The following HIVEP1 variants were observed in gnomAD, a reference collection of about 807,000 sequenced individuals.
HIVEP1 encodes the protein zinc finger protein 40.
HIVEP1 carries 36 observed loss-of-function variants against 180.0 expected under a neutral mutation model. That is an observed-to-expected ratio of 0.20 (90% CI 0.15 to 0.26). HIVEP1 has a LOEUF of 0.26. HIVEP1 is among the 10% of genes least tolerant of loss of function. The probability of loss-of-function intolerance (pLI) is 1.00; values close to 1 mark genes in which losing one functional copy is unlikely to be tolerated. For missense variants in HIVEP1, 3,143 were observed against 3,268.7 expected (o/e 0.96, Z 0.94); for synonymous variants, 1,239 against 1,239.0 (o/e 1.00, Z 0.00).
the HIVEP1 span, among the ~76,000 whole-genome samples, chr6:12,207,556 C>T: frequency 6.6e-6 from 1 of 152,062 alleles, no homozygotes; most frequent in Non-Finnish European, 1.5e-5. Context: ...GTGAAACAGC[C>T]TCAGAAGCCA....
intron 3 of HIVEP1, among the ~76,000 whole-genome samples, chr6:12,110,355 T>C (rs1376840804): frequency 6.6e-6 from 1 of 152,272 alleles, no homozygotes; most frequent in Non-Finnish European, 1.5e-5. Context: ...GATGGCATCT[T>C]CTTCCAATAG....
chr6:12,048,826 T>A (rs1570988), intron 2 of HIVEP1, among the ~76,000 whole-genome samples: 4 of 152,078 alleles, frequency 2.6e-5, no homozygotes, highest in African/African-American at 9.6e-5. Flanking sequence ...TTCTTTCTGC[T>A]TGGGGACAGT....
chr6:12,192,888 C>T, the HIVEP1 span, among the ~76,000 whole-genome samples: 2,862 of 150,824 alleles, frequency 0.019, 95 homozygotes, highest in African/African-American at 0.066. Context: ...TTTTGTAAAA[C>T]ATTTAAAAAA....
intron 3 of HIVEP1, among the ~76,000 whole-genome samples, chr6:12,099,688 TTAC>T: frequency 6.6e-6 from 1 of 152,248 alleles, no homozygotes; most frequent in East Asian, 1.9e-4. Flanking sequence ...AGCACAGCAC[TTAC>T]TACAGTTCTT....
At chr6:12,131,872 T>C (rs1335071121) in intron 6 of HIVEP1, among the ~76,000 whole-genome samples, 2 of 151,860 alleles carry the variant, frequency 1.3e-5, no homozygotes, top group Non-Finnish European at 1.5e-5. Flanking sequence ...TTTCTTATGC[T>C]GGTTGTCTTT....
At chr6:12,196,606 A>G in the HIVEP1 span, among the ~76,000 whole-genome samples, 1 of 152,218 alleles carries the variant, frequency 6.6e-6, no homozygotes, top group Non-Finnish European at 1.5e-5. Flanking sequence ...AGTTGTTGAC[A>G]TAACTTCCTG....
intron 2 of HIVEP1, among the ~76,000 whole-genome samples, chr6:12,087,906 G>A (rs916185239): frequency 6.6e-6 from 1 of 152,116 alleles, no homozygotes; most frequent in Non-Finnish European, 1.5e-5. Flanking sequence ...TGCTGTGGGC[G>A]ATACATTTAT....
chr6:12,191,717 G>A, the HIVEP1 span, among the ~76,000 whole-genome samples: 15 of 152,180 alleles, frequency 9.9e-5, no homozygotes, highest in South Asian at 2.1e-3. Flanking sequence ...TCCAATACAC[G>A]GTGTAGTTAC....
chr6:12,017,522 G>A (rs931361296), intron 2 of HIVEP1, among the ~76,000 whole-genome samples: 1 of 151,906 alleles, frequency 6.6e-6, no homozygotes, highest in Non-Finnish European at 1.5e-5. Flanking sequence ...TCTGCAAGGG[G>A]ACCCAAGCAG....
the HIVEP1 span, among the ~76,000 whole-genome samples, chr6:12,183,446 C>T: frequency 1.3e-5 from 2 of 152,302 alleles, no homozygotes; most frequent in East Asian, 1.9e-4. Context: ...TCTGGGGTGC[C>T]AGCTACGTTA....
rs534966523 is a variant in HIVEP1 at position 12,131,413 on chromosome 6, AT to A, written c.6385+479del. Among the ~76,000 whole-genome samples the A allele has an allele frequency of 6.1e-3, 884 of 144,106 alleles. 6 individuals carry two copies. Among genetic ancestry groups the A allele is most frequent in the African/African-American group, 0.021 (843 of 40,766 alleles). 94.5% of individuals were successfully genotyped at this position (144,106 alleles called of 152,430 possible). A position where few individuals can be genotyped will look rare whatever the true frequency, so the allele number is the denominator to read the frequency against. ...TGTCTGATTTTAGGAATACATAGCC[AT>A]TTTTTTTCACAATGCTTTTTTTTAC... On this transcript the variant is annotated intron_variant, in intron 6 of 8. Transcript: ENST00000379388.
chr6:12,041,718 C>A (rs1324520206), intron 2 of HIVEP1, among the ~76,000 whole-genome samples: 2 of 152,102 alleles, frequency 1.3e-5, no homozygotes, highest in Non-Finnish European at 2.9e-5. Flanking sequence ...GGCTGGAGTT[C>A]AGTTGCTTGA....
At chr6:12,014,590 G>T (rs1368388410) in intron 1 of HIVEP1, among the ~76,000 whole-genome samples, 1 of 152,160 alleles carries the variant, frequency 6.6e-6, no homozygotes, top group Non-Finnish European at 1.5e-5. Flanking sequence ...ATGTTTAACA[G>T]TGACAGTGGG....
the HIVEP1 span, among the ~76,000 whole-genome samples, chr6:12,186,845 T>A: frequency 6.6e-6 from 1 of 151,384 alleles, no homozygotes; most frequent in East Asian, 1.9e-4. Flanking sequence ...TTTCCAAGAG[T>A]ATTATAAATT....
At chr6:12,197,300 G>A in the HIVEP1 span, among the ~76,000 whole-genome samples, 6 of 152,184 alleles carry the variant, frequency 3.9e-5, no homozygotes, top group Non-Finnish European at 7.4e-5. Context: ...GCTCATACCT[G>A]TAATCCCAGC....
intron 7 of HIVEP1, among the ~76,000 whole-genome samples, chr6:12,139,430 C>T (rs1055360835): frequency 5.3e-5 from 8 of 152,174 alleles, no homozygotes; most frequent in East Asian, 1.9e-4. Context: ...ACGCAGAAGA[C>T]GGATGATTTC....
intron 3 of HIVEP1, among the ~76,000 whole-genome samples, chr6:12,098,547 A>G (rs1280608082): frequency 6.6e-6 from 1 of 152,210 alleles, no homozygotes; most frequent in East Asian, 1.9e-4. Context: ...CAGGTTTGCT[A>G]CTGTATTCTC....
At chr6:12,030,092 T>A (rs1470238450) in intron 2 of HIVEP1, among the ~76,000 whole-genome samples, 1 of 152,202 alleles carries the variant, frequency 6.6e-6, no homozygotes, top group East Asian at 1.9e-4. Context: ...GGTTTTGTTG[T>A]TTTTCTTTCT....
chr6:12,080,038 A>G (rs1370454053), intron 2 of HIVEP1, among the ~76,000 whole-genome samples: 3 of 152,094 alleles, frequency 2.0e-5, no homozygotes, highest in Non-Finnish European at 4.4e-5. Flanking sequence ...TTATTAATAA[A>G]TGAGTTAAAT....
Sources: gnomAD v4.1 joint callset for allele counts (sites outside exome capture counted in the v4.1 genomes callset) on GRCh38, gnomAD v4.1.1 for gene constraint, MANE v1.5 for transcripts, NCBI Gene and HGNC (gene_info 2026-07-23, HGNC 2026-07-21) for gene names.